The following EVL variants were observed in gnomAD, a reference collection of about 807,000 sequenced individuals.
EVL encodes Enah/Vasp-like.
A neutral mutation model predicts 59.6 loss-of-function variants in EVL; 21 were observed. The ratio of observed to expected loss-of-function variants is 0.35; its 90% CI spans 0.25 to 0.51. The LOEUF is 0.51. Ranked by LOEUF, EVL falls within the 20% of genes least tolerant of loss-of-function variation. The pLI, the probability that EVL is intolerant of heterozygous loss-of-function variation, is 0.97. For synonymous variants in EVL, 198 were observed against 203.5 expected, an observed-to-expected ratio of 0.97 and a Z score of 0.23; for missense variants, 462 against 546.6, an observed-to-expected ratio of 0.85 and a Z score of 1.54.
intron 4 of EVL, 98 bp from the exon 5 acceptor site, chr14:100,126,609 T>C (rs1420681655): frequency 7.3e-7 from 1 of 1,365,348 alleles, no homozygotes; most frequent in Admixed American, 1.8e-5. Flanking sequence ...TGGCGAAACC[T>C]GACTCTGAAG....
Position 99,972,529 on chromosome 14 carries a change from T to A in EVL, c.5+472T>A, listed in dbSNP as rs544019770. 6.6e-6 allele frequency among the ~76,000 whole-genome samples: 1 copy of A among 152,232 alleles called. No individual in the cohort carries two copies. Among genetic ancestry groups the A allele is most frequent in the Non-Finnish European group, 1.5e-5 (1 of 68,036 alleles). On this transcript the variant is annotated intron_variant, in intron 1 of 13. Coordinates refer to the EVL transcript ENST00000402714. The surrounding 1 kb of genome is among the most constrained non-coding windows in gnomAD (Gnocchi z 4.4). ...CCCTGCCAGCGCCCAGAGCCGCGTT[T>A]GGGCTTTTACAGGTGTAGTTTCCCC...
At chr14:100,031,323 C>G (rs1341897868) in intron 1 of EVL, among the ~76,000 whole-genome samples, 1 of 152,174 alleles carries the variant, frequency 6.6e-6, no homozygotes, top group Non-Finnish European at 1.5e-5. Flanking sequence ...AGAACCTGAG[C>G]TTGGGAACCT....
intron 1 of EVL, among the ~76,000 whole-genome samples, chr14:99,973,259 G>A (rs2060747332): frequency 6.6e-6 from 1 of 151,960 alleles, no homozygotes; most frequent in African/African-American, 2.4e-5. Context: ...AAATGTGTGA[G>A]AGTTCTTGTT....
intron 9 of EVL, among the ~76,000 whole-genome samples, chr14:100,136,401 G>A (rs1020926511): frequency 1.3e-5 from 2 of 152,198 alleles, no homozygotes; most frequent in South Asian, 2.1e-4. Context: ...AGTAGATCTC[G>A]CTCCACCCAA....
intron 2 of EVL, among the ~76,000 whole-genome samples, chr14:100,088,732 T>C (rs1485340763): frequency 1.3e-5 from 2 of 152,178 alleles, no homozygotes; most frequent in Non-Finnish European, 2.9e-5. Context: ...GACCTTCCTT[T>C]AAATGAAGAG....
At chr14:100,075,041 T>C (rs1225581456) in intron 1 of EVL, among the ~76,000 whole-genome samples, 2 of 152,124 alleles carry the variant, frequency 1.3e-5, no homozygotes, top group Non-Finnish European at 1.5e-5. Context: ...CCTGTGTGAC[T>C]TGGGGGAGCC....
At chr14:100,050,340 C>CATTT (rs150902123) in intron 1 of EVL, among the ~76,000 whole-genome samples, 3 of 145,978 alleles carry the variant, frequency 2.1e-5, no homozygotes, top group East Asian at 2.0e-4. Flanking sequence ...TTGTGTATTT[C>CATTT]ATTTATTTAT....
At chr14:100,016,348 G>T (rs2061049987) in intron 1 of EVL, among the ~76,000 whole-genome samples, 1 of 152,156 alleles carries the variant, frequency 6.6e-6, no homozygotes, top group Admixed American at 6.5e-5. Context: ...GGCCAACATG[G>T]TGAAACCCCG....
At chr14:99,973,696 C>T (rs528439080) in intron 1 of EVL, among the ~76,000 whole-genome samples, 1 of 152,324 alleles carries the variant, frequency 6.6e-6, no homozygotes, top group South Asian at 2.1e-4. Context: ...CTCCTGACCT[C>T]AGGTGATCAA....
intron 1 of EVL, among the ~76,000 whole-genome samples, chr14:100,033,915 G>A (rs551909804): frequency 6.6e-6 from 1 of 152,202 alleles, no homozygotes; most frequent in South Asian, 2.1e-4. Flanking sequence ...AAAACAAGAA[G>A]TCCTGTGGTC....
intron 1 of EVL, among the ~76,000 whole-genome samples, chr14:100,079,619 C>CA (rs796552566): frequency 6.0e-4 from 91 of 152,268 alleles, no homozygotes; most frequent in African/African-American, 2.2e-3. Flanking sequence ...TCACATTTCC[C>CA]AAAAAACCTC....
chr14:100,055,047 G>A (rs1595103296), intron 1 of EVL, among the ~76,000 whole-genome samples: 1 of 152,020 alleles, frequency 6.6e-6, no homozygotes, highest in Middle Eastern at 3.4e-3. Flanking sequence ...CTGAAAATAC[G>A]AATTAGCTGG....
At chr14:100,104,437 T>C (rs1002634627) in intron 3 of EVL, among the ~76,000 whole-genome samples, 1 of 152,272 alleles carries the variant, frequency 6.6e-6, no homozygotes, top group Non-Finnish European at 1.5e-5. Context: ...TGGATAATAC[T>C]GTCTCAAAGC....
At chr14:100,119,300 G>A (rs567773049) in intron 3 of EVL, among the ~76,000 whole-genome samples, 36 of 152,208 alleles carry the variant, frequency 2.4e-4, no homozygotes, top group Non-Finnish European at 4.3e-4. Context: ...TGAGAAGAGG[G>A]TGAGAGTTTT....
At chr14:100,133,263 C>G (rs1448686686) in intron 8 of EVL, among the ~76,000 whole-genome samples, 1 of 152,240 alleles carries the variant, frequency 6.6e-6, no homozygotes, top group Non-Finnish European at 1.5e-5. Context: ...CTTGTCCTTA[C>G]CAGGCAGCCC....
rs192918167 is a variant in EVL at position 100,103,625 on chromosome 14, C to G, written c.358+5967C>G. Among the ~76,000 whole-genome samples, 39 of 152,248 alleles carry G rather than the reference C, an allele frequency of 2.6e-4. No homozygotes were observed. The East Asian group carries it at 7.0e-3, about 27-fold the overall frequency. On this transcript the variant is annotated intron_variant, in intron 3 of 13. Transcript: ENST00000392920. ...GACTTCTGTGGCCCCCCATGCCCAC[C>G]CCAGGTGAGGATGAGGCGCCCCTTC... is the stretch of plus-strand genomic sequence containing the variant.
chr14:100,062,208 A>G (rs967454224), upstream of EVL, among the ~76,000 whole-genome samples: 64 of 31,668 alleles, frequency 2.0e-3, no homozygotes, highest in African/African-American at 6.9e-3. Flanking sequence ...AGCTGTGTGT[A>G]TATATATATA....
At chr14:99,980,611 A>G (rs1309107500) in intron 1 of EVL, among the ~76,000 whole-genome samples, 1 of 152,136 alleles carries the variant, frequency 6.6e-6, no homozygotes, top group Non-Finnish European at 1.5e-5. Context: ...TCTCACCCTT[A>G]GCCTATACTA....
At chr14:100,030,531 C>T (rs2140216808) in intron 1 of EVL, among the ~76,000 whole-genome samples, 1 of 152,374 alleles carries the variant, frequency 6.6e-6, no homozygotes, top group Non-Finnish European at 1.5e-5. Flanking sequence ...AAGGCTGATA[C>T]ATTCTCCAGC....
Sources: gnomAD v4.1 joint callset for allele counts (sites outside exome capture counted in the v4.1 genomes callset) on GRCh38, gnomAD v4.1.1 for gene constraint, Gnocchi (gnomAD v3.1) non-coding constraint, MANE v1.5 for transcripts, NCBI Gene and HGNC (gene_info 2026-07-23, HGNC 2026-07-21) for gene names.